Variants in CDH12 observed in about 807,000 individuals in gnomAD.
CDH12 encodes cadherin 12, also known as cadherin-12.
In CDH12, 41 loss-of-function variants were observed where a neutral mutation model predicts 74.1. That is an observed-to-expected ratio of 0.55 (90% confidence interval 0.43 to 0.72). The LOEUF (loss-of-function observed/expected upper bound fraction) is 0.72, where lower values mean the gene tolerates loss of function less well. Among genes scored for constraint, CDH12 ranks in the 30% least tolerant of loss-of-function variants. The pLI, the probability that CDH12 is intolerant of heterozygous loss-of-function variation, is 0.00. For missense variants in CDH12, 945 were observed against 977.2 expected (o/e 0.97, Z 0.44); for synonymous variants, 399 against 355.0 (o/e 1.12, Z -1.39).
At chr5:22,515,150 T>A (rs764985892) in intron 1 of CDH12, among the ~76,000 whole-genome samples, 9 of 152,146 alleles carry the variant, frequency 5.9e-5, no homozygotes, top group Non-Finnish European at 1.3e-4. Context: ...TATAATACTT[T>A]TAGTGATGCA....
intron 3 of CDH12, among the ~76,000 whole-genome samples, chr5:22,372,042 A>G (rs1399460103): frequency 6.6e-6 from 1 of 152,164 alleles, no homozygotes; most frequent in Non-Finnish European, 1.5e-5. Flanking sequence ...ACTAGTTAAG[A>G]CAAGAGGCTA....
At chr5:22,533,988 C>G (rs1737710408) in intron 1 of CDH12, among the ~76,000 whole-genome samples, 1 of 152,080 alleles carries the variant, frequency 6.6e-6, no homozygotes, top group South Asian at 2.1e-4. Context: ...TAAGAACCGA[C>G]TTGTCTGGTT....
intron 8 of CDH12, among the ~76,000 whole-genome samples, chr5:21,841,873 G>C (rs1448552699): frequency 1.7e-5 from 2 of 117,082 alleles, no homozygotes; most frequent in Admixed American, 9.9e-5. Flanking sequence ...TGGGGGGAGG[G>C]GGGAGGGATA....
intron 1 of CDH12, among the ~76,000 whole-genome samples, chr5:22,640,823 T>C (rs545706223): frequency 3.5e-4 from 54 of 152,272 alleles, no homozygotes; most frequent in Admixed American, 1.4e-3. Flanking sequence ...TGGAAGAGTT[T>C]CCCTGCTTAT....
chr5:22,519,703 G>A (rs1227848382), intron 1 of CDH12, among the ~76,000 whole-genome samples: 3 of 151,990 alleles, frequency 2.0e-5, no homozygotes, highest in Admixed American at 6.6e-5. Context: ...GGGAACTTTC[G>A]TGTTAGAATG....
intron 8 of CDH12, among the ~76,000 whole-genome samples, chr5:21,838,483 C>T (rs1019022293): frequency 2.0e-5 from 3 of 152,124 alleles, no homozygotes; most frequent in Admixed American, 6.6e-5. Context: ...TTGCTGGAAC[C>T]TGGGAGGCGG....
At chr5:22,775,265 G>T (rs897683950) in intron 1 of CDH12, among the ~76,000 whole-genome samples, 4 of 151,930 alleles carry the variant, frequency 2.6e-5, no homozygotes, top group African/African-American at 9.7e-5. Context: ...TTACACAGGA[G>T]TTACAGGTTA....
At chr5:22,171,112 T>A (rs58887504) in intron 4 of CDH12, among the ~76,000 whole-genome samples, 52 of 151,756 alleles carry the variant, frequency 3.4e-4, no homozygotes, top group African/African-American at 1.1e-3. Flanking sequence ...AGAACTTGCA[T>A]GGTCCACTGA....
chr5:22,573,607 C>T (rs1739641171), intron 1 of CDH12, among the ~76,000 whole-genome samples: 1 of 152,048 alleles, frequency 6.6e-6, no homozygotes, highest in South Asian at 2.1e-4. Flanking sequence ...ATTTTAGTTT[C>T]AATTATTCAG....
chr5:22,128,849 T>C (rs778728683), intron 4 of CDH12, among the ~76,000 whole-genome samples: 12 of 152,236 alleles, frequency 7.9e-5, no homozygotes, highest in Non-Finnish European at 1.3e-4. Context: ...TAAGACAGAA[T>C]ATGCACATTT....
At chr5:22,526,460 A>G (rs78233205) in intron 1 of CDH12, among the ~76,000 whole-genome samples, 186 of 152,340 alleles carry the variant, frequency 1.2e-3, no homozygotes, top group Non-Finnish European at 2.1e-3. Context: ...GCTTAAAGCA[A>G]TCTACTTTTA....
intron 5 of CDH12, among the ~76,000 whole-genome samples, chr5:22,007,387 T>G (rs1737028757): frequency 6.6e-6 from 1 of 152,180 alleles, no homozygotes; most frequent in African/African-American, 2.4e-5. Context: ...ATTAGCTTGA[T>G]TTAGCCATTG....
At chr5:21,759,784 G>T (rs1744612882) in intron 13 of CDH12, among the ~76,000 whole-genome samples, 2 of 151,880 alleles carry the variant, frequency 1.3e-5, no homozygotes, top group African/African-American at 4.8e-5. Context: ...TCATCACCCA[G>T]GTCTTAAGCC....
intron 6 of CDH12, among the ~76,000 whole-genome samples, chr5:21,907,450 C>CCCTCCT (rs1433198930): frequency 6.6e-6 from 1 of 152,140 alleles, no homozygotes; most frequent in Non-Finnish European, 1.5e-5. Flanking sequence ...CCTATGTTGG[C>CCCTCCT]AAAGGGAGGG....
intron 1 of CDH12, among the ~76,000 whole-genome samples, chr5:22,506,563 C>T (rs1311288567): frequency 6.6e-6 from 1 of 151,928 alleles, no homozygotes; most frequent in African/African-American, 2.4e-5. Flanking sequence ...AAAATGCATA[C>T]TATAAATGTT....
At chr5:22,130,842 A>G (rs886719018) in intron 4 of CDH12, among the ~76,000 whole-genome samples, 2 of 151,934 alleles carry the variant, frequency 1.3e-5, no homozygotes, top group African/African-American at 4.8e-5. Context: ...TGCCCTCACC[A>G]TCTCAATCCC....
chr5:22,352,298 G>T (rs1367215850), intron 3 of CDH12, among the ~76,000 whole-genome samples: 1 of 151,664 alleles, frequency 6.6e-6, no homozygotes, highest in East Asian at 1.9e-4. Context: ...TGTGTTACTG[G>T]TTGCTTATCC....
chr5:22,625,669 C>T (rs1272623749), intron 1 of CDH12, among the ~76,000 whole-genome samples: 5 of 152,170 alleles, frequency 3.3e-5, no homozygotes, highest in Non-Finnish European at 5.9e-5. Flanking sequence ...ATCTGAGTGG[C>T]CCCCTGTCTG....
intron 3 of CDH12, among the ~76,000 whole-genome samples, chr5:22,320,614 T>G (rs190087346): frequency 1.8e-4 from 27 of 152,186 alleles, no homozygotes; most frequent in African/African-American, 6.5e-4. Context: ...CAACATTTAT[T>G]TACTGACTAT....
Sources: gnomAD v4.1 joint callset for allele counts (sites outside exome capture counted in the v4.1 genomes callset) on GRCh38, gnomAD v4.1.1 for gene constraint, MANE v1.5 for transcripts, NCBI Gene and HGNC (gene_info 2026-07-23, HGNC 2026-07-21) for gene names.